Variants in FBXL7 observed in about 807,000 individuals in gnomAD.
FBXL7 encodes F-box/LRR-repeat protein 7.
In FBXL7, 12 loss-of-function variants were observed where a neutral mutation model predicts 38.3. That is an observed-to-expected ratio of 0.31 (90% CI 0.20 to 0.51). The LOEUF is 0.51. Ranked by LOEUF, FBXL7 falls within the 20% of genes least tolerant of loss-of-function variation. The pLI, the probability that FBXL7 is intolerant of heterozygous loss-of-function variation, is 0.98. For synonymous variants in FBXL7, 297 were observed against 300.9 expected (o/e 0.99, Z 0.13); for missense variants, 567 against 676.4 (o/e 0.84, Z 1.79).
At chr5:15,582,751 C>T (rs1580384566) in intron 1 of FBXL7, among the ~76,000 whole-genome samples, 3 of 152,210 alleles carry the variant, frequency 2.0e-5, no homozygotes, top group Admixed American at 6.5e-5. Flanking sequence ...TGTGCAATTG[C>T]CCTTCATTTC....
At chr5:15,818,250 G>A (rs139239901) in intron 2 of FBXL7, among the ~76,000 whole-genome samples, 15 of 152,252 alleles carry the variant, frequency 9.9e-5, no homozygotes, top group South Asian at 2.1e-4. Flanking sequence ...ACCTGTAGAC[G>A]CTAGAGATAC....
intron 2 of FBXL7, among the ~76,000 whole-genome samples, chr5:15,813,909 T>C (rs1737937288): frequency 6.6e-6 from 1 of 152,126 alleles, no homozygotes; most frequent in East Asian, 1.9e-4. Flanking sequence ...ATGGCAATCA[T>C]TAAAAAGTCA....
chr5:15,712,555 AG>A (rs758955828), intron 2 of FBXL7, among the ~76,000 whole-genome samples: 3 of 152,142 alleles, frequency 2.0e-5, no homozygotes, highest in Non-Finnish European at 2.9e-5. Context: ...AAGGCAGGAA[AG>A]GCAATCTGTG....
At chr5:15,588,870 AAAC>A (rs1452983104) in intron 1 of FBXL7, among the ~76,000 whole-genome samples, 1 of 152,180 alleles carries the variant, frequency 6.6e-6, no homozygotes, top group Non-Finnish European at 1.5e-5. Context: ...TACTTTGTTC[AAAC>A]TGTGAAGATT....
intron 1 of FBXL7, among the ~76,000 whole-genome samples, chr5:15,597,573 C>T (rs893756899): frequency 4.0e-5 from 6 of 149,878 alleles, no homozygotes; most frequent in Non-Finnish European, 8.9e-5. Context: ...CTACAAATTA[C>T]GTTCCAACAC....
At chr5:15,807,655 A>ATTTG (rs1737749212) in intron 2 of FBXL7, among the ~76,000 whole-genome samples, 1 of 149,448 alleles carries the variant, frequency 6.7e-6, no homozygotes, top group Admixed American at 6.7e-5. Context: ...TTGCCCCAAC[A>ATTTG]TTTGTTTGTT....
chr5:15,557,308 C>T (rs1738275286), intron 1 of FBXL7, among the ~76,000 whole-genome samples: 1 of 152,116 alleles, frequency 6.6e-6, no homozygotes, highest in Admixed American at 6.6e-5. Context: ...GCTTTATTGG[C>T]CTTGCTGCTA....
chr5:15,704,341 A>G (rs1180242661), intron 2 of FBXL7, among the ~76,000 whole-genome samples: 1 of 152,254 alleles, frequency 6.6e-6, no homozygotes, highest in Non-Finnish European at 1.5e-5. Context: ...TATAGGCTCT[A>G]TAATTCAATG....
chr5:15,694,819 A>C (rs1743284918), intron 2 of FBXL7, among the ~76,000 whole-genome samples: 1 of 152,192 alleles, frequency 6.6e-6, no homozygotes. Flanking sequence ...GAACAAAAAA[A>C]AGATTCTGGA....
At chr5:15,751,462 C>G (rs1252803098) in intron 2 of FBXL7, among the ~76,000 whole-genome samples, 1 of 152,182 alleles carries the variant, frequency 6.6e-6, no homozygotes, top group Non-Finnish European at 1.5e-5. Context: ...TATAGACTTA[C>G]ATCTACAAAT....
At chr5:15,631,065 G>A (rs1740980739) in intron 2 of FBXL7, among the ~76,000 whole-genome samples, 1 of 152,112 alleles carries the variant, frequency 6.6e-6, no homozygotes, top group South Asian at 2.1e-4. Context: ...GTTGAGAGGT[G>A]AGTAGACTTC....
chr5:15,581,051 C>T (rs962204121), intron 1 of FBXL7, among the ~76,000 whole-genome samples: 24 of 152,272 alleles, frequency 1.6e-4, no homozygotes, highest in African/African-American at 5.5e-4. Flanking sequence ...CACTTGCTTC[C>T]TTACATATAA....
intron 2 of FBXL7, among the ~76,000 whole-genome samples, chr5:15,690,331 G>A (rs1314579592): frequency 6.6e-6 from 1 of 152,106 alleles, no homozygotes; most frequent in Non-Finnish European, 1.5e-5. Flanking sequence ...AATATACATT[G>A]TTCTTCAAAA....
chr5:15,894,610 G>T (rs1477837723), intron 2 of FBXL7, among the ~76,000 whole-genome samples: 2 of 152,200 alleles, frequency 1.3e-5, no homozygotes, highest in African/African-American at 2.4e-5. Context: ...TTTAGATGAG[G>T]TTTTACTGAT....
intron 2 of FBXL7, among the ~76,000 whole-genome samples, chr5:15,878,148 C>G (rs1469211792): frequency 6.6e-6 from 1 of 152,178 alleles, no homozygotes; most frequent in Non-Finnish European, 1.5e-5. Context: ...AGGCACTTCA[C>G]AGAGCACGCC....
intron 2 of FBXL7, among the ~76,000 whole-genome samples, chr5:15,917,139 T>C (rs1443917289): frequency 1.3e-5 from 2 of 152,194 alleles, no homozygotes; most frequent in South Asian, 2.1e-4. Flanking sequence ...TCCATGCTCT[T>C]TCCACCTCAA....
rs944955877 is a variant in FBXL7 at position 15,684,702 on chromosome 5, T to C, written c.127+68630T>C. Among the ~76,000 whole-genome samples the C allele has an allele frequency of 2.0e-5, 3 of 152,172 alleles. No homozygotes were observed. In the East Asian group the frequency reaches 5.8e-4, roughly 29 times the overall value. Reference sequence around the variant, plus strand: ...AAGATATGTACAATGCAAAGAGTTGTCAAAGTCAGAGATAGGCTCATTGGA... The same window carrying C: ...AAGATATGTACAATGCAAAGAGTTGCCAAAGTCAGAGATAGGCTCATTGGA... On this transcript the variant is annotated intron_variant, in intron 2 of 3. Transcript: ENST00000504595.
intron 1 of FBXL7, among the ~76,000 whole-genome samples, chr5:15,512,289 AC>A (rs1403294735): frequency 1.3e-5 from 2 of 152,144 alleles, no homozygotes; most frequent in African/African-American, 4.8e-5. Context: ...TAATTGCTTT[AC>A]TTTCCATTCA....
intron 1 of FBXL7, among the ~76,000 whole-genome samples, chr5:15,603,557 C>T (rs937044278): frequency 6.6e-6 from 1 of 152,210 alleles, no homozygotes; most frequent in Non-Finnish European, 1.5e-5. Flanking sequence ...GAATTCTCCA[C>T]TCTGTGTAGG....
Sources: allele counts gnomAD v4.1 joint callset (sites outside exome capture counted in the v4.1 genomes callset), GRCh38; gene constraint gnomAD v4.1.1; transcripts MANE v1.5; gene names NCBI Gene and HGNC (gene_info 2026-07-23, HGNC 2026-07-21).